MYO18A: variants seen among roughly 807,000 people sequenced by gnomAD.
The protein encoded by MYO18A is myosin XVIIIA, also known as unconventional myosin-XVIIIa.
A neutral mutation model predicts 235.8 loss-of-function variants in MYO18A; 78 were observed. That is an observed-to-expected ratio of 0.33 (90% CI 0.28 to 0.40). The LOEUF (loss-of-function observed/expected upper bound fraction) is 0.40, where lower values mean the gene tolerates loss of function less well. Among genes scored for constraint, MYO18A ranks in the 10% least tolerant of loss-of-function variants. MYO18A has a pLI of 1.00. For synonymous variants in MYO18A, 977 were observed against 1,077.8 expected (o/e 0.91, Z 1.83); for missense variants, 2,215 against 2,699.3 (o/e 0.82, Z 3.98).
chr17:29,166,964 T>C lies in MYO18A; in HGVS notation c.-24A>G. 4 of 1,510,328 alleles carry C rather than the reference T, an allele frequency of 2.6e-6. No individual in the cohort carries two copies. Among genetic ancestry groups the C allele is most frequent in the Non-Finnish European group, 3.6e-6 (4 of 1,124,692 alleles). The allele number at this position is 1,510,328 out of a possible 1,614,324, so 93.6% of individuals were successfully genotyped here. On this transcript the variant is annotated 5_prime_UTR_variant, in exon 2 of 42. Coordinates refer to ENST00000527372, the MANE Select transcript of MYO18A (RefSeq NM_078471.4). The stretch of plus-strand genomic sequence containing the variant: ...ATGGTGGGGGTGCTGTTTGTAGGGG[T>C]AGCACCCCCAGAGGATTATGAGTGC...
rs80349789 is a variant in MYO18A, at chr17:29,082,795, G to A, written c.5898-357C>T. Among the ~76,000 whole-genome samples, 82 of 152,306 alleles carry A rather than the reference G, an allele frequency of 5.4e-4. No individual in the cohort carries two copies. The East Asian group carries it at 0.011, about 21-fold the overall frequency. On this transcript the variant is annotated intron_variant, in intron 40 of 41. Coordinates refer to ENST00000527372, the MANE Select transcript of MYO18A (RefSeq NM_078471.4). The stretch of plus-strand genomic sequence containing the variant: ...TCTGAGCTAAAAAGAGGAGCCCTGG[G>A]TTCTTCAGTGACTCCTTGAGGCCTA...
At position 29,094,012 on chromosome 17, in the gene MYO18A, C is replaced by T. The variant is rs1463418849; in HGVS notation, c.4789G>A (p.Val1597Met). ...SKEMESRDEE[V>M]EEARQSCQKK... ...TGACACGACTGCCGGGCCTCCTCCA[C>T]CTCCTCATCCCGACTCTCCATCTCC... Residue 1597 changes from valine (V) to methionine (M), a missense_variant, in exon 31 of 42, where the codon GTG becomes ATG. Physicochemically the swap from Val to Met is conservative, Grantham distance 21 (BLOSUM62 1). Transcript: ENST00000527372. 2 of 1,611,804 alleles carry T rather than the reference C, an allele frequency of 1.2e-6. No individual in the cohort carries two copies. The highest frequency in any genetic ancestry group is 1.7e-4 in the Middle Eastern group (1 of 6,058).
In MYO18A at chr17:29,120,296, C is replaced by T. The variant is rs551168743; in HGVS notation, c.1728+320G>A. Reference sequence around the variant, plus strand: ...AAGCCAGTCCTCTGCTAGGTGAAATCGGCCCGAGAGAAGCCCCGAGCATGA... The same window carrying T: ...AAGCCAGTCCTCTGCTAGGTGAAATTGGCCCGAGAGAAGCCCCGAGCATGA... On this transcript the variant is annotated intron_variant, in intron 7 of 41. Coordinates refer to ENST00000527372, the MANE Select transcript of MYO18A (RefSeq NM_078471.4). The surrounding 1 kb of genome is among the most constrained non-coding windows in gnomAD (Gnocchi z 4.2). Among the ~76,000 whole-genome samples the T allele has an allele frequency of 1.1e-4, 16 of 152,308 alleles. No homozygotes were observed. Among genetic ancestry groups the T allele is most frequent in the South Asian group, 8.3e-4 (4 of 4,828 alleles).
At chr17:29,092,701 C>A (rs1169212202) in intron 33 of MYO18A, among the ~76,000 whole-genome samples, 154 bp downstream of exon 33, 3 of 152,222 alleles carry the variant, frequency 2.0e-5, no homozygotes, top group African/African-American at 7.2e-5. Flanking sequence ...CACGCAGAGC[C>A]TGGGGAGTCT....
At chr17:29,083,693 CAGG>C (rs1322123283) in intron 40 of MYO18A, among the ~76,000 whole-genome samples, 1 of 152,110 alleles carries the variant, frequency 6.6e-6, no homozygotes, top group African/African-American at 2.4e-5. Context: ...CCCGGGTAAA[CAGG>C]AGTTTAGCAG....
At chr17:29,080,434 C>T in intron 41 of MYO18A, 3 of 985,982 alleles carry the variant, frequency 3.0e-6, no homozygotes, top group South Asian at 9.4e-5. Context: ...CAGGGCCATA[C>T]TGGCTCCATC....
intron 15 of MYO18A, among the ~76,000 whole-genome samples, chr17:29,112,526 G>T (rs575634328): frequency 6.6e-6 from 1 of 152,252 alleles, no homozygotes; most frequent in Non-Finnish European, 1.5e-5. Flanking sequence ...TCTCCTGGAA[G>T]AACACTGGCC....
intron 1 of MYO18A, among the ~76,000 whole-genome samples, chr17:29,169,838 C>G (rs758765567): frequency 1.3e-5 from 2 of 152,166 alleles, no homozygotes; most frequent in South Asian, 2.1e-4. Flanking sequence ...AATCCTGGCT[C>G]TTTGCTGGGG....
intron 2 of MYO18A, among the ~76,000 whole-genome samples, chr17:29,145,232 G>A (rs976338331): frequency 6.6e-6 from 1 of 152,160 alleles, no homozygotes; most frequent in Non-Finnish European, 1.5e-5. Context: ...GGTGTTCCAC[G>A]AAAATCCATA....
At position 29,120,477 on chromosome 17, in the gene MYO18A, G is replaced by T; in HGVS notation, c.1728+139C>A. On this transcript the variant is annotated intron_variant, in intron 7 of 41. Transcript: ENST00000527372. This position sits in a 1 kb window ranked among gnomAD's most constrained non-coding sequence, Gnocchi z 4.2. ...ATGGTGATGCCTCTGGATAGTGCAG[G>T]CCAACCCTGCCCATGCCTGGGTCAA... The T allele has an allele frequency of 8.5e-7, 1 of 1,173,200 alleles. No individual in the cohort carries two copies. Among genetic ancestry groups the T allele is most frequent in the Non-Finnish European group, 1.2e-6 (1 of 842,072 alleles). The allele number at this position is 1,173,200 out of a possible 1,614,324, so 72.7% of individuals were successfully genotyped here.
intron 41 of MYO18A, chr17:29,078,362 G>T (rs2066036205): frequency 6.6e-6 from 1 of 152,264 alleles, no homozygotes; most frequent in African/African-American, 2.4e-5. Flanking sequence ...TGGTACAACA[G>T]AGATGCTTCC....
intron 41 of MYO18A, chr17:29,080,836 G>T: frequency 4.1e-6 from 4 of 985,358 alleles, no homozygotes; most frequent in Non-Finnish European, 4.8e-6. Flanking sequence ...GGCCTTCCTA[G>T]GGGGCCTCTC....
At chr17:29,176,819 A>T (rs1435035785) in intron 1 of MYO18A, 1 of 152,088 alleles carries the variant, frequency 6.6e-6, no homozygotes, top group Non-Finnish European at 1.5e-5. Context: ...TTCTCACGTG[A>T]CATTAGCCAG....
At position 29,085,608 on chromosome 17, in the gene MYO18A, T is replaced by G. The variant is rs2066235392; in HGVS notation, c.5893A>C (p.Lys1965Gln). The G allele has an allele frequency of 6.2e-6, 10 of 1,613,850 alleles. No homozygotes were observed. Among genetic ancestry groups the G allele is most frequent in the Non-Finnish European group, 8.5e-6 (10 of 1,179,862 alleles). The change falls in exon 40 of 42, where the codon AAA becomes CAA. Residue 1965 changes from lysine (K) to glutamine (Q), a missense_variant. By Grantham distance (53) the Lys-to-Gln change is moderately conservative (BLOSUM62 1). Coordinates refer to ENST00000527372, the MANE Select transcript of MYO18A (RefSeq NM_078471.4). ...CACATGCGCTCCAGTCCTCACAGTT[T>G]ATTCTTTCTTTTCTGATACTTTGTC... ...MVTKYQKRKN[K>Q]LEGDSDVDSE...
chr17:29,120,698 A>G lies in MYO18A; in HGVS notation c.1646T>C (p.Ile549Thr), dbSNP rs1458928615. 2 of 1,613,872 alleles carry G rather than the reference A, an allele frequency of 1.2e-6. No homozygotes were observed. The highest frequency in any genetic ancestry group is 3.3e-5 in the Admixed American group (2 of 60,002). Residue 549 changes from isoleucine (I) to threonine (T), a missense_variant, in exon 7 of 42, where the codon ATT becomes ACT. Ile to Thr is a moderately conservative substitution (Grantham distance 89). Coordinates refer to ENST00000527372, the MANE Select transcript of MYO18A (RefSeq NM_078471.4). The surrounding 1 kb of genome is among the most constrained non-coding windows in gnomAD (Gnocchi z 4.2). ...LEAFGNSPTI[I>T]NGNATRFSQI... ...GGAGAAGCGGGTGGCATTGCCATTA[A>G]TGATGGTGGGGCTGTTCCCAAAGGC...
At chr17:29,079,181 C>T (rs1283952674) in intron 41 of MYO18A, among the ~76,000 whole-genome samples, 1 of 152,180 alleles carries the variant, frequency 6.6e-6, no homozygotes, top group Non-Finnish European at 1.5e-5. Flanking sequence ...CTGTTGGGGC[C>T]ATGAATGAAA....
chr17:29,079,991 G>C (rs1000260029), intron 41 of MYO18A: 6 of 985,868 alleles, frequency 6.1e-6, no homozygotes, highest in African/African-American at 3.5e-5. Flanking sequence ...CCCTTCTTCC[G>C]CCTCTTGTGC....
chr17:29,176,863 C>G (rs2068543438), intron 1 of MYO18A: 1 of 152,146 alleles, frequency 6.6e-6, no homozygotes, highest in Non-Finnish European at 1.5e-5. Flanking sequence ...CCGGGCGGCC[C>G]TTGGCGTTTC....
At chr17:29,112,664 G>A (rs2066960183) in intron 15 of MYO18A, among the ~76,000 whole-genome samples, 1 of 152,230 alleles carries the variant, frequency 6.6e-6, no homozygotes, top group South Asian at 2.1e-4. Context: ...CTTTTCTGTG[G>A]AGTTCCTGCA....
Sources: allele counts gnomAD v4.1 joint callset (sites outside exome capture counted in the v4.1 genomes callset), GRCh38; gene constraint gnomAD v4.1.1; non-coding constraint Gnocchi (gnomAD v3.1); transcripts MANE v1.5; gene names NCBI Gene and HGNC (gene_info 2026-07-23, HGNC 2026-07-21).